The following CNKSR3 variants were observed in gnomAD, a reference collection of about 807,000 sequenced individuals.
The protein encoded by CNKSR3 is connector enhancer of kinase suppressor of ras 3.
Under a neutral mutation model 67.7 loss-of-function variants are expected in CNKSR3, and 36 were observed. The observed-to-expected ratio is 0.53, with a 90% CI of 0.41 to 0.70. The LOEUF is 0.70. Among genes scored for constraint, CNKSR3 ranks in the 30% least tolerant of loss-of-function variants. The pLI, the probability that CNKSR3 is intolerant of heterozygous loss-of-function variation, is 0.00. For synonymous variants in CNKSR3, 281 were observed against 271.4 expected (o/e 1.04, Z -0.35); for missense variants, 630 against 695.2 (o/e 0.91, Z 1.05).
chr6:154,428,288 G>T, intron 6 of CNKSR3, 101 bp from the exon 7 acceptor site: 1 of 748,698 alleles, frequency 1.3e-6, no homozygotes, highest in Non-Finnish European at 2.4e-6. Context: ...AGTCCCTTCA[G>T]AACAATACTC....
intron 9 of CNKSR3, among the ~76,000 whole-genome samples, chr6:154,416,690 G>C (rs73572898): frequency 0.019 from 2,879 of 152,274 alleles, 95 homozygotes; most frequent in African/African-American, 0.066. Context: ...TGGGTGCCCA[G>C]GTACAAAGAA....
At chr6:154,481,117 C>A in intron 1 of CNKSR3, among the ~76,000 whole-genome samples, 1 of 147,444 alleles carries the variant, frequency 6.8e-6, no homozygotes, top group South Asian at 2.2e-4. Flanking sequence ...TATGTATTTG[C>A]TTATTTATTT....
intron 1 of CNKSR3, among the ~76,000 whole-genome samples, chr6:154,501,265 T>C (rs1440545354): frequency 6.6e-6 from 1 of 152,206 alleles, no homozygotes; most frequent in Non-Finnish European, 1.5e-5. Context: ...TCCAGAATAC[T>C]GCAATGCCTT....
intron 7 of CNKSR3, among the ~76,000 whole-genome samples, chr6:154,423,389 G>A (rs958800578): frequency 1.3e-5 from 2 of 152,038 alleles, no homozygotes; most frequent in Non-Finnish European, 2.9e-5. Context: ...TCAGCCTCCC[G>A]AGTAGCTGAG....
intron 1 of CNKSR3, among the ~76,000 whole-genome samples, chr6:154,504,700 G>A (rs79198894): frequency 0.012 from 1,752 of 151,924 alleles, 34 homozygotes; most frequent in African/African-American, 0.04. Context: ...ACCTCACTGG[G>A]TTTTCTAAGG....
chr6:154,418,392 C>T (rs776368987), intron 9 of CNKSR3, among the ~76,000 whole-genome samples: 3 of 152,152 alleles, frequency 2.0e-5, no homozygotes, highest in Admixed American at 6.5e-5. Flanking sequence ...TCTAAGACAC[C>T]GCCCTTCCCC....
In CNKSR3 at chr6:154,397,307, G is replaced by A. The variant is rs561435856; in HGVS notation, c.*9047C>T. On this transcript the variant is annotated 3_prime_UTR_variant, in exon 13 of 13. Transcript: ENST00000607772. ...AAACATAGTACTCTAAACACGGTTA[G>A]CTTACATGTTCTTCCATTTATTTAA... 1.1e-4 allele frequency: 17 copies of A among 152,316 alleles called. No homozygotes were observed. In the East Asian group the frequency reaches 3.3e-3, roughly 29 times the overall value. The allele number at this position is 152,316 out of a possible 1,614,324, so 9.4% of individuals were successfully genotyped here. A position where few individuals can be genotyped will look rare whatever the true frequency, so the allele number is the denominator to read the frequency against.
chr6:154,489,332 A>G (rs1786736669), intron 1 of CNKSR3, among the ~76,000 whole-genome samples: 1 of 152,164 alleles, frequency 6.6e-6, no homozygotes, highest in Non-Finnish European at 1.5e-5. Context: ...GGAGTTCAAG[A>G]CTAGTCTTGG....
chr6:154,432,997 C>T (rs928410245), intron 5 of CNKSR3, among the ~76,000 whole-genome samples: 9 of 152,098 alleles, frequency 5.9e-5, no homozygotes, highest in African/African-American at 2.2e-4. Flanking sequence ...GGAGGAAGGC[C>T]TTATCAAAAG....
intron 1 of CNKSR3, among the ~76,000 whole-genome samples, chr6:154,472,982 T>G (rs991119986): frequency 1.3e-5 from 2 of 152,150 alleles, no homozygotes; most frequent in Non-Finnish European, 2.9e-5. Context: ...GAGGGCCTGC[T>G]GGTCAGTGGA....
chr6:154,477,679 G>C (rs1032647023), intron 1 of CNKSR3, among the ~76,000 whole-genome samples: 21 of 152,244 alleles, frequency 1.4e-4, no homozygotes, highest in Admixed American at 1.0e-3. Context: ...ATTGATACTA[G>C]CTATTGGTAA....
At chr6:154,445,895 A>G (rs915340511) in intron 2 of CNKSR3, among the ~76,000 whole-genome samples, 1 of 152,212 alleles carries the variant, frequency 6.6e-6, no homozygotes, top group Admixed American at 6.5e-5. Flanking sequence ...CATTAAAGAG[A>G]GAACAAGAAA....
rs1278249365 is a variant in CNKSR3, at chr6:154,410,960, T to G, written c.1253A>C (p.Lys418Thr). Residue 418 changes from lysine (K) to threonine (T), a missense_variant, in exon 11 of 13, where the codon AAA (lysine) becomes ACA (threonine). Physicochemically the swap from Lys to Thr is moderately conservative, Grantham distance 78. Coordinates refer to ENST00000607772, the MANE Select transcript of CNKSR3 (RefSeq NM_173515.4). The part of the protein sequence containing the change: ...YSVETNILPT[K>T]MREKTPSYGK... Reference sequence around the variant, plus strand: ...ATAAGATGGTGTTTTCTCTCTCATTTTTGTGGGCAGAATGTTGGTTTCCAC... The same window carrying G: ...ATAAGATGGTGTTTTCTCTCTCATTGTTGTGGGCAGAATGTTGGTTTCCAC... The G allele has an allele frequency of 1.2e-6, 2 of 1,612,836 alleles. No individual in the cohort carries two copies. Among genetic ancestry groups the G allele is most frequent in the Admixed American group, 3.3e-5 (2 of 59,922 alleles).
intron 1 of CNKSR3, among the ~76,000 whole-genome samples, chr6:154,454,339 A>C (rs975487953): frequency 6.6e-6 from 1 of 152,242 alleles, no homozygotes; most frequent in Non-Finnish European, 1.5e-5. Flanking sequence ...CTGTAAATTT[A>C]GTTAAATTTT....
At chr6:154,489,446 G>A (rs534231599) in intron 1 of CNKSR3, among the ~76,000 whole-genome samples, 4 of 152,216 alleles carry the variant, frequency 2.6e-5, no homozygotes, top group South Asian at 4.1e-4. Context: ...CACAAGAATC[G>A]CTTGAACCCG....
At chr6:154,448,539 G>A (rs569929842) in intron 2 of CNKSR3, among the ~76,000 whole-genome samples, 4 of 151,840 alleles carry the variant, frequency 2.6e-5, no homozygotes, top group South Asian at 2.1e-4. Context: ...TAAGGTGAGC[G>A]TTACTGTACA....
chr6:154,437,729 A>G (rs1314010405), intron 4 of CNKSR3, among the ~76,000 whole-genome samples: 1 of 147,358 alleles, frequency 6.8e-6, no homozygotes, highest in Admixed American at 6.8e-5. Context: ...TTCTTCAATT[A>G]CTACAGAACA....
intron 3 of CNKSR3, 72 bp from the exon 4 acceptor site, chr6:154,441,451 G>C: frequency 2.8e-6 from 3 of 1,073,358 alleles, no homozygotes; most frequent in Non-Finnish European, 4.3e-6. Flanking sequence ...ATGTTGGTAA[G>C]CATAGCTACC....
At chr6:154,415,343 A>C (rs1785003296) in intron 9 of CNKSR3, among the ~76,000 whole-genome samples, 1 of 148,062 alleles carries the variant, frequency 6.8e-6, no homozygotes, top group African/African-American at 2.5e-5. Flanking sequence ...TGATTCTCCT[A>C]CCTCAGCCTC....
Sources: allele counts gnomAD v4.1 joint callset (sites outside exome capture counted in the v4.1 genomes callset), GRCh38; gene constraint gnomAD v4.1.1; transcripts MANE v1.5; gene names NCBI Gene and HGNC (gene_info 2026-07-23, HGNC 2026-07-21).